The following USP25 variants were observed in gnomAD, a reference collection of about 807,000 sequenced individuals.
USP25 encodes ubiquitin carboxyl-terminal hydrolase 25.
A neutral mutation model predicts 158.5 loss-of-function variants in USP25; 85 were observed. That is an observed-to-expected ratio of 0.54 (90% CI 0.45 to 0.64). USP25 has a LOEUF of 0.64. USP25 is among the 30% of genes least tolerant of loss of function. The pLI, the probability that USP25 is intolerant of heterozygous loss-of-function variation, is 0.00. For missense variants in USP25, 1,242 were observed against 1,327.3 expected (o/e 0.94, Z 1.00); for synonymous variants, 464 against 460.4 (o/e 1.01, Z -0.10).
In USP25 at chr21:15,826,898, A is replaced by T. The variant is rs2037532483; in HGVS notation, c.1467-79A>T. 1 of 1,437,360 alleles carries T rather than the reference A, an allele frequency of 7.0e-7. No individual in the cohort carries two copies. The highest frequency in any genetic ancestry group is 1.4e-5 in the African/African-American group (1 of 71,330). The allele number at this position is 1,437,360 out of a possible 1,614,324, so 89.0% of individuals were successfully genotyped here. On this transcript the variant is annotated intron_variant, in intron 13 of 25. Transcript: ENST00000400183. The surrounding 1 kb of genome is among the most constrained non-coding windows in gnomAD (Gnocchi z 4.8). ...TTCTTTTGAATTACAAGCCAATTTA[A>T]TACTGTGGGTTTGGCACGATCTTTG... is the stretch of plus-strand genomic sequence containing the variant.
intron 1 of USP25, among the ~76,000 whole-genome samples, chr21:15,750,270 C>A (rs1188312933): frequency 8.0e-6 from 1 of 124,682 alleles, no homozygotes; most frequent in African/African-American, 3.1e-5. Context: ...GTTGCCCAGG[C>A]TGGTGTGTAG....
intron 20 of USP25, among the ~76,000 whole-genome samples, chr21:15,853,955 CT>C (rs376093777): frequency 2.8e-4 from 42 of 152,052 alleles, no homozygotes; most frequent in African/African-American, 8.0e-4. Flanking sequence ...AATATTCTTC[CT>C]TTTTTTGATT....
chr21:15,785,592 AG>A (rs1459493070), intron 4 of USP25, among the ~76,000 whole-genome samples: 2 of 152,154 alleles, frequency 1.3e-5, no homozygotes, highest in African/African-American at 4.8e-5. Flanking sequence ...AGAAATTAAA[AG>A]GGTAATTAGA....
At chr21:15,817,547 G>T (rs959453195) in intron 9 of USP25, among the ~76,000 whole-genome samples, 4 of 152,064 alleles carry the variant, frequency 2.6e-5, no homozygotes, top group Non-Finnish European at 5.9e-5. Flanking sequence ...AGACATACCC[G>T]AGACCGGGCA....
In USP25 at chr21:15,791,275, G is replaced by T. The variant is rs527460272; in HGVS notation, c.393-227G>T. Among the ~76,000 whole-genome samples the T allele has an allele frequency of 2.2e-4, 34 of 151,736 alleles. 1 individual carries two copies. In the South Asian group the frequency reaches 5.6e-3, roughly 25 times the overall value. ...ATTGTACTTTCTATTATATAAAACTGCCATTTTATGTTTGAAATTTCATTT... is the reference window on the plus strand; with the variant it reads ...ATTGTACTTTCTATTATATAAAACTTCCATTTTATGTTTGAAATTTCATTT... On this transcript the variant is annotated intron_variant, in intron 4 of 25. Coordinates refer to ENST00000400183, the MANE Select transcript of USP25 (RefSeq NM_001283041.3).
chr21:15,819,582 A>G (rs1394610059), intron 10 of USP25, among the ~76,000 whole-genome samples: 1 of 152,126 alleles, frequency 6.6e-6, no homozygotes, highest in African/African-American at 2.4e-5. Context: ...GTCATTCACT[A>G]TTATATCCCT....
intron 19 of USP25, among the ~76,000 whole-genome samples, chr21:15,848,137 A>T (rs1473952270): frequency 6.6e-6 from 1 of 152,100 alleles, no homozygotes; most frequent in Non-Finnish European, 1.5e-5. Context: ...GTTTTACTGG[A>T]ATTACTTATA....
At chr21:15,790,884 T>C (rs1437049118) in intron 4 of USP25, among the ~76,000 whole-genome samples, 1 of 151,964 alleles carries the variant, frequency 6.6e-6, no homozygotes, top group Non-Finnish European at 1.5e-5. Flanking sequence ...CTATCTTTTG[T>C]TATTCTAATA....
chr21:15,758,750 C>G (rs2033549608), intron 1 of USP25, among the ~76,000 whole-genome samples: 1 of 152,148 alleles, frequency 6.6e-6, no homozygotes, highest in Non-Finnish European at 1.5e-5. Context: ...AACGGTGCAT[C>G]TTACATGGTG....
chr21:15,750,181 CGTGTGTGTGTGTGTGT>C (rs367779613), intron 1 of USP25, among the ~76,000 whole-genome samples: 2 of 126,942 alleles, frequency 1.6e-5, no homozygotes, highest in South Asian at 5.1e-4. Flanking sequence ...TCTCCAGTGC[CGTGTGTGTGTGTGTGT>C]GTGTGTGTGT....
intron 20 of USP25, among the ~76,000 whole-genome samples, chr21:15,860,242 T>C (rs11910291): frequency 0.018 from 2,716 of 152,170 alleles, 72 homozygotes; most frequent in African/African-American, 0.062. Context: ...AACCTCTGCC[T>C]CCTGGGTTCA....
chr21:15,759,106 G>A (rs1047213858), intron 1 of USP25, among the ~76,000 whole-genome samples: 5 of 152,044 alleles, frequency 3.3e-5, no homozygotes, highest in African/African-American at 1.2e-4. Flanking sequence ...TTGGAGTGCT[G>A]GTAGCAGTGA....
At chr21:15,803,191 G>A (rs1448579670) in intron 6 of USP25, among the ~76,000 whole-genome samples, 1 of 151,662 alleles carries the variant, frequency 6.6e-6, no homozygotes, top group Non-Finnish European at 1.5e-5. Context: ...AAGAACAAAT[G>A]ATAACAATTC....
At chr21:15,772,621 A>C (rs1005310316) in intron 3 of USP25, among the ~76,000 whole-genome samples, 1 of 152,208 alleles carries the variant, frequency 6.6e-6, no homozygotes, top group Non-Finnish European at 1.5e-5. Flanking sequence ...TTTATAGCCA[A>C]AGTTATTCTG....
intron 1 of USP25, among the ~76,000 whole-genome samples, chr21:15,737,562 A>G (rs571741278): frequency 3.9e-4 from 59 of 152,196 alleles, no homozygotes; most frequent in Admixed American, 2.9e-3. Context: ...TATTGCATCT[A>G]TATCAATGGC....
At chr21:15,793,541 T>C (rs1367896863) in intron 5 of USP25, among the ~76,000 whole-genome samples, 2 of 151,558 alleles carry the variant, frequency 1.3e-5, no homozygotes, top group Non-Finnish European at 3.0e-5. Context: ...GTAATTGTAC[T>C]AGTTTTAAAA....
At chr21:15,845,477 A>G (rs2038537715) in intron 18 of USP25, among the ~76,000 whole-genome samples, 2 of 152,092 alleles carry the variant, frequency 1.3e-5, no homozygotes, top group African/African-American at 4.8e-5. Flanking sequence ...CAGAATTATT[A>G]TATGTGGCAA....
chr21:15,862,586 T>C (rs967555277), intron 20 of USP25, among the ~76,000 whole-genome samples: 2 of 150,560 alleles, frequency 1.3e-5, no homozygotes, highest in Admixed American at 1.3e-4. Flanking sequence ...TTTTTTTTTT[T>C]CCGAATTTGG....
intron 21 of USP25, 53 bp from the exon 22 acceptor site, chr21:15,866,213 A>G: frequency 9.3e-7 from 1 of 1,080,826 alleles, no homozygotes; most frequent in Non-Finnish European, 1.2e-6. Flanking sequence ...ATATATATAT[A>G]TATATATACA....
Sources: allele counts gnomAD v4.1 joint callset (sites outside exome capture counted in the v4.1 genomes callset), GRCh38; gene constraint gnomAD v4.1.1; non-coding constraint Gnocchi (gnomAD v3.1); transcripts MANE v1.5; gene names NCBI Gene and HGNC (gene_info 2026-07-23, HGNC 2026-07-21).